CCDC178: variants seen among roughly 807,000 people sequenced by gnomAD.
The protein encoded by CCDC178 is coiled-coil domain-containing protein 178.
CCDC178 carries 126 observed loss-of-function variants against 117.4 expected under a neutral mutation model. The ratio of observed to expected loss-of-function variants is 1.07; its 90% CI spans 0.93 to 1.24. The LOEUF (loss-of-function observed/expected upper bound fraction) is 1.24. CCDC178 is among the 50% of genes most tolerant of loss of function. The pLI, the probability that CCDC178 is intolerant of heterozygous loss-of-function variation, is 0.00. For synonymous variants in CCDC178, 283 were observed against 313.4 expected, an observed-to-expected ratio of 0.90 and a Z score of 1.02; for missense variants, 1,030 against 986.9, an observed-to-expected ratio of 1.04 and a Z score of -0.59.
chr18:32,973,666 A>G, intron 22 of CCDC178, among the ~76,000 whole-genome samples: 1 of 152,160 alleles, frequency 6.6e-6, no homozygotes, highest in East Asian at 1.9e-4. Flanking sequence ...AGTGCTTTGC[A>G]AAATCTTCCT....
intron 21 of CCDC178, among the ~76,000 whole-genome samples, chr18:33,022,027 T>C (rs1169091603): frequency 6.6e-6 from 1 of 152,160 alleles, no homozygotes; most frequent in African/African-American, 2.4e-5. Flanking sequence ...TTCAGGAAAT[T>C]TGGGAAACAA....
chr18:33,009,233 C>T (rs2055813001), intron 21 of CCDC178, among the ~76,000 whole-genome samples: 1 of 152,026 alleles, frequency 6.6e-6, no homozygotes, highest in Non-Finnish European at 1.5e-5. Context: ...TGTCTTTGAC[C>T]ACTTTCAGTC....
At chr18:32,957,717 A>AT (rs1381639109) in intron 22 of CCDC178, 1 of 152,196 alleles carries the variant, frequency 6.6e-6, no homozygotes, top group Non-Finnish European at 1.5e-5. Flanking sequence ...ACATTTTATA[A>AT]TTTTCTACTA....
chr18:33,354,331 C>A (rs4258696), intron 7 of CCDC178, among the ~76,000 whole-genome samples: 10,627 of 152,130 alleles, frequency 0.07, 1,186 homozygotes, highest in African/African-American at 0.24. Context: ...AGTCTTTCAT[C>A]AAATTGAAGA....
chr18:33,050,793 T>G (rs1354998104), intron 21 of CCDC178, among the ~76,000 whole-genome samples: 1 of 152,198 alleles, frequency 6.6e-6, no homozygotes, highest in African/African-American at 2.4e-5. Flanking sequence ...CTAGAATTTA[T>G]TTTTCTCTAT....
intron 11 of CCDC178, among the ~76,000 whole-genome samples, chr18:33,321,613 T>C (rs909099603): frequency 2.0e-5 from 3 of 152,062 alleles, no homozygotes; most frequent in Admixed American, 6.6e-5. Flanking sequence ...CAGATATTTT[T>C]AGAGTCTGAC....
intron 7 of CCDC178, among the ~76,000 whole-genome samples, chr18:33,354,997 A>C (rs959758464): frequency 6.6e-6 from 1 of 152,082 alleles, no homozygotes; most frequent in African/African-American, 2.4e-5. Flanking sequence ...TAACTTAGTT[A>C]TTTGTTCATG....
chr18:33,399,441 G>A lies in CCDC178; in HGVS notation c.59-2233C>T, dbSNP rs142386523. On this transcript the variant is annotated intron_variant, in intron 3 of 22. Transcript: ENST00000383096. ...GTTTAATAGCATATTATGCACAGCAGAACTTCTTTCAAAAAGGAAGCCAAT... is the reference window on the plus strand; with the variant it reads ...GTTTAATAGCATATTATGCACAGCAAAACTTCTTTCAAAAAGGAAGCCAAT... Among the ~76,000 whole-genome samples, 420 of 152,302 alleles carry A rather than the reference G, an allele frequency of 2.8e-3. 4 individuals are homozygous for A. Among genetic ancestry groups the A allele is most frequent in the African/African-American group, 9.6e-3 (398 of 41,572 alleles).
chr18:33,438,595 T>A (rs545521744), intron 2 of CCDC178, among the ~76,000 whole-genome samples: 2 of 151,550 alleles, frequency 1.3e-5, no homozygotes, highest in South Asian at 4.2e-4. Flanking sequence ...AAAACAGACA[T>A]GAAGTTACCA....
In CCDC178 at chr18:33,004,140, C is replaced by T. The variant is rs9953273; in HGVS notation, c.2389-29459G>A. On this transcript the variant is annotated intron_variant, in intron 21 of 22. Transcript: ENST00000383096. ...ATCCTATGAAATCCCTATCAACATA[C>T]GAATGACATCTTCACAGAAATAGAA... Among the ~76,000 whole-genome samples, 1,360 of 152,120 alleles carry T rather than the reference C, an allele frequency of 8.9e-3. 12 individuals are homozygous for T. The highest frequency in any genetic ancestry group is 0.031 in the African/African-American group (1,275 of 41,512).
At chr18:33,127,306 C>G (rs2058019042) in intron 20 of CCDC178, among the ~76,000 whole-genome samples, 1 of 152,058 alleles carries the variant, frequency 6.6e-6, no homozygotes. Flanking sequence ...CTAAGCATAT[C>G]TAAGGATTCT....
At position 33,116,406 on chromosome 18, in the gene CCDC178, C is replaced by T. The variant is rs565502907; in HGVS notation, c.2239-23496G>A. On this transcript the variant is annotated intron_variant, in intron 20 of 22. Transcript: ENST00000383096. The stretch of plus-strand genomic sequence containing the variant: ...GTGGCTTTGTATTAGTCTTGCATTG[C>T]TGCATAACAAATCACTACAAAGTAA... 3.9e-5 allele frequency among the ~76,000 whole-genome samples: 6 copies of T among 152,270 alleles called. No individual in the cohort carries two copies. In the East Asian group the frequency reaches 1.2e-3, roughly 29 times the overall value.
chr18:33,346,293 T>A lies in CCDC178; in HGVS notation c.576A>T (p.Arg192Ser). Residue 192 changes from arginine to serine, a missense_variant, in exon 9 of 23, where the codon AGA (arginine) becomes AGT (serine). Coordinates refer to ENST00000383096, the MANE Select transcript of CCDC178 (RefSeq NM_001105528.4). ...TCATGTTAATCATATTCTTTCTTGA[T>A]CTCTGTTGTTTTAAAGCTTCTTCAG... The part of the protein sequence containing the change: ...ADAEEALKQQ[R>S]SRKNMINMKI... The A allele has an allele frequency of 6.2e-7, 1 of 1,613,950 alleles. No homozygotes were observed. The highest frequency in any genetic ancestry group is 8.5e-7 in the Non-Finnish European group (1 of 1,179,892).
chr18:33,423,157 A>G (rs1279213528), intron 2 of CCDC178, among the ~76,000 whole-genome samples: 1 of 152,116 alleles, frequency 6.6e-6, no homozygotes, highest in African/African-American at 2.4e-5. Context: ...TGTACCCTAT[A>G]ACCCGGCCTA....
intron 6 of CCDC178, among the ~76,000 whole-genome samples, chr18:33,367,354 G>A (rs1399649571): frequency 1.3e-5 from 2 of 152,002 alleles, no homozygotes; most frequent in Non-Finnish European, 2.9e-5. Flanking sequence ...TTATGCTTAG[G>A]TTAATTCTGA....
At chr18:33,342,513 G>C (rs1599190297) in intron 9 of CCDC178, among the ~76,000 whole-genome samples, 1 of 152,188 alleles carries the variant, frequency 6.6e-6, no homozygotes, top group Admixed American at 6.5e-5. Flanking sequence ...TCTCCAAATG[G>C]ATGTGAGAAG....
intron 21 of CCDC178, among the ~76,000 whole-genome samples, chr18:32,975,118 G>A (rs746780640): frequency 1.3e-5 from 2 of 152,158 alleles, no homozygotes; most frequent in Non-Finnish European, 2.9e-5. Context: ...GACTTTGATG[G>A]ACACCATCAC....
chr18:33,074,176 A>AATT (rs1478190090), intron 21 of CCDC178, among the ~76,000 whole-genome samples: 357 of 151,854 alleles, frequency 2.4e-3, no homozygotes, highest in African/African-American at 8.4e-3. Flanking sequence ...ATTTTAATTT[A>AATT]ATTATGATTT....
intron 15 of CCDC178, among the ~76,000 whole-genome samples, chr18:33,241,429 CGT>C (rs60878431): frequency 0.034 from 4,954 of 144,948 alleles, 117 homozygotes; most frequent in African/African-American, 0.068. Flanking sequence ...ATTATATGAT[CGT>C]GTGTGTGTGT....
Sources: allele counts gnomAD v4.1 joint callset (sites outside exome capture counted in the v4.1 genomes callset), GRCh38; gene constraint gnomAD v4.1.1; transcripts MANE v1.5; gene names NCBI Gene and HGNC (gene_info 2026-07-23, HGNC 2026-07-21).